Variants in SBF2 observed in about 807,000 individuals in gnomAD.
SBF2 encodes myotubularin-related protein 13.
A neutral mutation model predicts 225.2 loss-of-function variants in SBF2; 112 were observed. The ratio of observed to expected loss-of-function variants is 0.50; its 90% CI spans 0.43 to 0.58. The LOEUF (loss-of-function observed/expected upper bound fraction) is 0.58. SBF2 is among the 20% of genes least tolerant of loss of function. The probability of loss-of-function intolerance (pLI) is 0.00; values close to 1 mark genes in which losing one functional copy is unlikely to be tolerated. For synonymous variants in SBF2, 763 were observed against 773.3 expected (o/e 0.99, Z 0.22); for missense variants, 1,996 against 2,206.2 (o/e 0.90, Z 1.91).
At chr11:10,134,374 C>T (rs6484012) in intron 2 of SBF2, among the ~76,000 whole-genome samples, 2 of 152,030 alleles carry the variant, frequency 1.3e-5, no homozygotes, top group Non-Finnish European at 1.5e-5. Flanking sequence ...CTGGCCCCCC[C>T]CAAACCTCAT....
chr11:9,842,579 T>A (rs1173339468), intron 25 of SBF2, 46 bp downstream of exon 25: 1 of 1,597,310 alleles, frequency 6.3e-7, no homozygotes, highest in African/African-American at 1.3e-5. Context: ...CTTATTCATA[T>A]AAGAAATAAA....
intron 6 of SBF2, among the ~76,000 whole-genome samples, chr11:10,011,645 AT>A (rs1330129612): frequency 6.6e-6 from 1 of 152,020 alleles, no homozygotes; most frequent in African/African-American, 2.4e-5. Context: ...CTTGTTTGGT[AT>A]TTTTTTCTTT....
chr11:9,862,058 C>T (rs1857796561), intron 17 of SBF2, among the ~76,000 whole-genome samples: 1 of 152,140 alleles, frequency 6.6e-6, no homozygotes, highest in Admixed American at 6.5e-5. Flanking sequence ...ACACAAACGG[C>T]TATGGCATCT....
intron 32 of SBF2, among the ~76,000 whole-genome samples, chr11:9,801,807 C>G (rs139338169): frequency 6.6e-6 from 1 of 152,366 alleles, no homozygotes; most frequent in African/African-American, 2.4e-5. Flanking sequence ...CCATTAGCTA[C>G]AGCTATTTTG....
intron 6 of SBF2, among the ~76,000 whole-genome samples, chr11:10,015,865 C>T (rs529817434): frequency 2.6e-5 from 4 of 152,078 alleles, no homozygotes; most frequent in African/African-American, 7.2e-5. Context: ...TGCAATGGCA[C>T]GATTTCGGCT....
At chr11:9,972,812 A>G (rs1445537762) in intron 13 of SBF2, among the ~76,000 whole-genome samples, 1 of 152,224 alleles carries the variant, frequency 6.6e-6, no homozygotes, top group Non-Finnish European at 1.5e-5. Flanking sequence ...GTCTTCCCAG[A>G]AGCAATTAGA....
At chr11:9,794,191 CAAAACAAAACAAAAT>C (rs1294285799) in intron 33 of SBF2, among the ~76,000 whole-genome samples, 1 of 151,810 alleles carries the variant, frequency 6.6e-6, no homozygotes, top group Admixed American at 6.6e-5. Context: ...AAAAACAAAA[CAAAACAAAACAAAAT>C]ACCACTGCCC....
chr11:9,880,012 A>T (rs1202339561), intron 17 of SBF2, among the ~76,000 whole-genome samples: 1 of 137,348 alleles, frequency 7.3e-6, no homozygotes, highest in African/African-American at 2.7e-5. Flanking sequence ...TGAACCTGGG[A>T]TGTGGAGGTT....
chr11:9,842,260 C>T (rs771026006), intron 25 of SBF2, among the ~76,000 whole-genome samples: 6 of 152,206 alleles, frequency 3.9e-5, no homozygotes, highest in Non-Finnish European at 5.9e-5. Flanking sequence ...AAATCTTCAA[C>T]TTGAAATGTT....
intron 24 of SBF2, among the ~76,000 whole-genome samples, chr11:9,843,329 T>C (rs1173829096): frequency 6.6e-6 from 1 of 152,200 alleles, no homozygotes; most frequent in African/African-American, 2.4e-5. Flanking sequence ...TTAAGAAGCA[T>C]AGAAAAATAA....
At chr11:10,250,716 C>A (rs1281111178) in intron 1 of SBF2, among the ~76,000 whole-genome samples, 1 of 152,178 alleles carries the variant, frequency 6.6e-6, no homozygotes, top group East Asian at 1.9e-4. Context: ...TAAGGACAAT[C>A]AACTCCTTCA....
intron 1 of SBF2, among the ~76,000 whole-genome samples, chr11:10,286,643 C>T (rs1963813365): frequency 6.6e-6 from 1 of 152,104 alleles, no homozygotes; most frequent in Non-Finnish European, 1.5e-5. Flanking sequence ...TAAGTGTGAG[C>T]CACGGCACCC....
At position 10,038,226 on chromosome 11, in the gene SBF2, T is replaced by G. The variant is rs1442595865; in HGVS notation, c.279+4618A>C. On this transcript the variant is annotated intron_variant, in intron 3 of 39. Coordinates refer to ENST00000256190, the MANE Select transcript of SBF2 (RefSeq NM_030962.4). ...TGGAGACAGAATCAATCAAGCACTT[T>G]AACTTGGTACTGAATGTCCCTAAGT... 2.6e-5 allele frequency among the ~76,000 whole-genome samples: 4 copies of G among 152,010 alleles called. No homozygotes were observed. The East Asian group carries it at 7.7e-4, about 29-fold the overall frequency.
At chr11:9,982,297 A>C (rs540910927) in intron 13 of SBF2, among the ~76,000 whole-genome samples, 35 of 152,334 alleles carry the variant, frequency 2.3e-4, no homozygotes, top group African/African-American at 8.4e-4. Flanking sequence ...CAGTGAGTCT[A>C]ATCTTTATGT....
intron 13 of SBF2, among the ~76,000 whole-genome samples, chr11:9,981,525 ATTTTTTC>A (rs1946958615): frequency 6.6e-6 from 1 of 152,196 alleles, no homozygotes; most frequent in African/African-American, 2.4e-5. Context: ...AATTTCTTTT[ATTTTTTC>A]AAGAGATATA....
chr11:10,146,896 G>C (rs1282237266), intron 2 of SBF2, among the ~76,000 whole-genome samples: 1 of 152,034 alleles, frequency 6.6e-6, no homozygotes, highest in Non-Finnish European at 1.5e-5. Context: ...TAAAAAGTGG[G>C]CAAAGGACAT....
chr11:9,886,040 G>A (rs1860270369), intron 17 of SBF2, among the ~76,000 whole-genome samples: 1 of 152,158 alleles, frequency 6.6e-6, no homozygotes, highest in African/African-American at 2.4e-5. Flanking sequence ...TTTGTGGGAG[G>A]TGTTACAATC....
intron 1 of SBF2, among the ~76,000 whole-genome samples, chr11:10,226,540 T>C (rs1299562188): frequency 1.3e-5 from 2 of 150,304 alleles, no homozygotes; most frequent in East Asian, 4.0e-4. Context: ...CCATGTGTTC[T>C]CATTGTTCAA....
intron 3 of SBF2, 30 bp from the exon 4 acceptor site, chr11:10,031,200 C>T (rs1224832075): frequency 1.5e-5 from 24 of 1,610,470 alleles, no homozygotes; most frequent in Non-Finnish European, 2.0e-5. Flanking sequence ...AATCAACAAA[C>T]AGAAGGGATT....
Sources: gnomAD v4.1 joint callset for allele counts (sites outside exome capture counted in the v4.1 genomes callset) on GRCh38, gnomAD v4.1.1 for gene constraint, MANE v1.5 for transcripts, NCBI Gene and HGNC (gene_info 2026-07-23, HGNC 2026-07-21) for gene names.